Variants in EPHX3 observed in about 807,000 individuals in gnomAD.
The protein encoded by EPHX3 is abhydrolase domain containing 9.
EPHX3 carries 39 observed loss-of-function variants against 40.2 expected under a neutral mutation model. That is an observed-to-expected ratio of 0.97 (90% CI 0.75 to 1.27). The LOEUF is 1.27. EPHX3 is among the 50% of genes most tolerant of loss of function. The pLI is 0.00. For synonymous variants in EPHX3, 213 were observed against 209.7 expected (o/e 1.02, Z -0.14); for missense variants, 442 against 474.0 (o/e 0.93, Z 0.63).
intron 4 of EPHX3, among the ~76,000 whole-genome samples, chr19:15,228,683 A>G (rs1174330809): frequency 2.6e-5 from 4 of 151,272 alleles, no homozygotes; most frequent in African/African-American, 9.7e-5. Flanking sequence ...ACGTCCGGCT[A>G]ATTTTTTTTG....
At chr19:15,229,597 A>G (rs1467779287) in intron 4 of EPHX3, among the ~76,000 whole-genome samples, 2 of 148,094 alleles carry the variant, frequency 1.4e-5, no homozygotes, top group Non-Finnish European at 3.0e-5. Flanking sequence ...ATCTCAAGAA[A>G]AAAAAAAAAA....
intron 4 of EPHX3, among the ~76,000 whole-genome samples, chr19:15,230,629 C>A (rs1017080807): frequency 6.6e-6 from 1 of 151,688 alleles, no homozygotes; most frequent in Non-Finnish European, 1.5e-5. Flanking sequence ...TACAGGCATG[C>A]ACCACCAATG....
In EPHX3 at chr19:15,232,328, C is replaced by G. The variant is rs2145486423; in HGVS notation, c.-117G>C. 7.3e-7 allele frequency: 1 copy of G among 1,378,096 alleles called. No individual in the cohort carries two copies. The highest frequency in any genetic ancestry group is 3.0e-5 in the East Asian group (1 of 33,208). The allele number at this position is 1,378,096 out of a possible 1,614,324, so 85.4% of individuals were successfully genotyped here. A position where few individuals can be genotyped will look rare whatever the true frequency, so the allele number is the denominator to read the frequency against. Reference sequence around the variant, plus strand: ...TTGGCCTGGGGCCCCTCCGTGCCGTCGGGATTTGTGGGACGCGCTGAAGGA... The same window carrying G: ...TTGGCCTGGGGCCCCTCCGTGCCGTGGGGATTTGTGGGACGCGCTGAAGGA... On this transcript the variant is annotated 5_prime_UTR_variant, in exon 1 of 7. Coordinates refer to ENST00000221730, the MANE Select transcript of EPHX3 (RefSeq NM_024794.3).
rs2047161971 is a variant in EPHX3 at position 15,232,288 on chromosome 19, A to G, written c.-77T>C. On this transcript the variant is annotated 5_prime_UTR_variant, in exon 1 of 7. It removes the in-frame stop codon of an upstream open reading frame in the 5' UTR. Coordinates refer to ENST00000221730, the MANE Select transcript of EPHX3 (RefSeq NM_024794.3). ...CAGCGGCGAAGCGGTGTCAGGGCTC[A>G]GGGGCCCATCGCCCTTGGCCTGGGG... 2 of 1,410,442 alleles carry G rather than the reference A, an allele frequency of 1.4e-6. No individual in the cohort carries two copies. The highest frequency in any genetic ancestry group is 1.6e-5 in the South Asian group (1 of 64,150). 87.4% of individuals were successfully genotyped at this position (1,410,442 alleles called of 1,614,324 possible).
intron 2 of EPHX3, 62 bp from the exon 3 acceptor site, chr19:15,231,458 G>C (rs984724417): frequency 6.4e-7 from 1 of 1,566,372 alleles, no homozygotes. Context: ...TGCACCCTAC[G>C]CACATCAGCA....
intron 4 of EPHX3, among the ~76,000 whole-genome samples, chr19:15,228,723 G>T (rs540880819): frequency 7.0e-4 from 106 of 151,720 alleles, no homozygotes; most frequent in African/African-American, 2.5e-3. Flanking sequence ...GTTTCACAGT[G>T]TTAGCCAGGA....
intron 4 of EPHX3, among the ~76,000 whole-genome samples, chr19:15,228,852 G>A (rs1437044985): frequency 6.6e-6 from 1 of 152,050 alleles, no homozygotes; most frequent in African/African-American, 2.4e-5. Context: ...TTAGCAGGGT[G>A]TGGTGGTGTG....
At chr19:15,231,466 G>C in intron 2 of EPHX3, 70 bp from the exon 3 acceptor site, 1 of 1,531,162 alleles carries the variant, frequency 6.5e-7, no homozygotes, top group Non-Finnish European at 8.8e-7. Flanking sequence ...ACGCACATCA[G>C]CAACCATTGG....
chr19:15,229,833 A>G (rs1329364475), intron 4 of EPHX3, among the ~76,000 whole-genome samples: 5 of 139,238 alleles, frequency 3.6e-5, no homozygotes, highest in Admixed American at 7.6e-5. Flanking sequence ...GTTGCAGTGA[A>G]CTGAGATCAC....
upstream of EPHX3, chr19:15,232,522 G>T (rs551802483): frequency 3.3e-5 from 33 of 992,584 alleles, no homozygotes; most frequent in South Asian, 7.4e-4. Context: ...GGTCCTGTGC[G>T]GGGCTTAGGG....
chr19:15,233,963 G>A (rs898023931), upstream of EPHX3, among the ~76,000 whole-genome samples: 6 of 152,134 alleles, frequency 3.9e-5, no homozygotes, highest in African/African-American at 1.4e-4. Flanking sequence ...GGGAGGCTGA[G>A]GCAGGAGAAC....
chr19:15,235,370 C>A (rs1238538563), upstream of EPHX3: 1 of 152,008 alleles, frequency 6.6e-6, no homozygotes, highest in East Asian at 1.9e-4. Context: ...CAGGATCTCT[C>A]CCAACCGACT....
chr19:15,236,647 C>T (rs1348437193), upstream of EPHX3: 1 of 161,124 alleles, frequency 6.2e-6, no homozygotes, highest in African/African-American at 2.4e-5. Context: ...TGCGTCACAG[C>T]TTCAGCTTGG....
At chr19:15,233,619 G>A (rs1158481231), upstream of EPHX3, among the ~76,000 whole-genome samples, 1 of 152,254 alleles carries the variant, frequency 6.6e-6, no homozygotes, top group East Asian at 1.9e-4. Flanking sequence ...TGGATACCCT[G>A]ATTCCTAGGG....
rs1159067728 is a variant in EPHX3, at chr19:15,231,875, AC to A, written c.244-15del. 6.2e-7 allele frequency: 1 copy of A among 1,613,426 alleles called. No individual in the cohort carries two copies. Among genetic ancestry groups the A allele is most frequent in the Admixed American group, 1.7e-5 (1 of 60,002 alleles). ...CAGGCCCGAGCTCTAGGGGGAGGGC[AC>A]AGCCTGAAGCCTGGGGAACCCTCTC... On this transcript the variant is annotated splice_polypyrimidine_tract_variant and intron_variant, in intron 1 of 6. Coordinates refer to ENST00000221730, the MANE Select transcript of EPHX3 (RefSeq NM_024794.3).
upstream of EPHX3, among the ~76,000 whole-genome samples, chr19:15,234,284 G>A (rs2145488481): frequency 1.3e-5 from 2 of 152,264 alleles, 1 homozygote; most frequent in South Asian, 4.1e-4. Flanking sequence ...CAAAGATGTA[G>A]GGAAAAAGGC....
In EPHX3 at chr19:15,230,945, C is replaced by T. The variant is rs765254941; in HGVS notation, c.616+17G>A. 6.2e-6 allele frequency: 10 copies of T among 1,612,918 alleles called. No individual in the cohort carries two copies. Among genetic ancestry groups the T allele is most frequent in the African/African-American group, 1.3e-5 (1 of 74,998 alleles). On this transcript the variant is annotated intron_variant, in intron 4 of 6. Transcript: ENST00000221730. Reference sequence around the variant, plus strand: ...TGCACATAAGTACATCCCAGTGTCCCGGACTCCCACACACACCTTGGTACA... The same window carrying T: ...TGCACATAAGTACATCCCAGTGTCCTGGACTCCCACACACACCTTGGTACA...
At position 15,229,811 on chromosome 19, in the gene EPHX3, T is replaced by C. The variant is rs548435648; in HGVS notation, c.616+1151A>G. 1.4e-3 allele frequency among the ~76,000 whole-genome samples: 197 copies of C among 137,348 alleles called. 3 individuals are homozygous for C. The highest frequency in any genetic ancestry group is 4.0e-3 in the Middle Eastern group (1 of 248). The allele number at this position is 137,348 out of a possible 152,430, so 90.1% of individuals were successfully genotyped here. On this transcript the variant is annotated intron_variant, in intron 4 of 6. Transcript: ENST00000221730. ...CTGAGGCAGGGGAATCGCTTGAACC[T>C]GGGAGGCGGAGGTTGCAGTGAACTG... is the stretch of plus-strand genomic sequence containing the variant.
chr19:15,232,239 G>C lies in EPHX3; in HGVS notation c.-28C>G. 6.8e-7 allele frequency: 1 copy of C among 1,462,250 alleles called. No individual in the cohort carries two copies. Among genetic ancestry groups the C allele is most frequent in the Non-Finnish European group, 8.9e-7 (1 of 1,118,838 alleles). The allele number at this position is 1,462,250 out of a possible 1,614,324, so 90.6% of individuals were successfully genotyped here. A position where few individuals can be genotyped will look rare whatever the true frequency, so the allele number is the denominator to read the frequency against. ...CGCCGCGCTCCGGGACCACGGCGGCGCTGCCGGCCAGGGGCACCTGCAGCA... is the reference window on the plus strand; with the variant it reads ...CGCCGCGCTCCGGGACCACGGCGGCCCTGCCGGCCAGGGGCACCTGCAGCA... On this transcript the variant is annotated 5_prime_UTR_variant, in exon 1 of 7. Transcript: ENST00000221730.
Sources: allele counts gnomAD v4.1 joint callset (sites outside exome capture counted in the v4.1 genomes callset), GRCh38; gene constraint gnomAD v4.1.1; transcripts MANE v1.5; gene names NCBI Gene and HGNC (gene_info 2026-07-23, HGNC 2026-07-21).